Variants in GOLGA4 observed in about 807,000 individuals in gnomAD.
GOLGA4 encodes the protein golgin subfamily A member 4.
GOLGA4 carries 169 observed loss-of-function variants against 265.9 expected under a neutral mutation model. That is an observed-to-expected ratio of 0.64 (90% confidence interval 0.56 to 0.72). GOLGA4 has a LOEUF of 0.72. Among genes scored for constraint, GOLGA4 ranks in the 30% least tolerant of loss-of-function variants. The pLI is 0.00. For synonymous variants in GOLGA4, 923 were observed against 855.8 expected (o/e 1.08, Z -1.37); for missense variants, 2,482 against 2,483.4 (o/e 1.00, Z 0.01).
At chr3:37,364,609 G>GC (rs1696603003) in intron 23 of GOLGA4, among the ~76,000 whole-genome samples, 1 of 74,072 alleles carries the variant, frequency 1.4e-5, no homozygotes, top group African/African-American at 5.0e-5. Context: ...TTTTTTTTTT[G>GC]CCCCCCAGCA....
rs1246379380 is a variant in GOLGA4, at chr3:37,258,004, TAC to T, written c.162+6522_162+6523del. ...ATATATGTATGTATATATGTATATA[TAC>T]ATACATATATATATGTATGTATATA... is the stretch of plus-strand genomic sequence containing the variant. On this transcript the variant is annotated intron_variant, in intron 2 of 23. Transcript: ENST00000361924. Among the ~76,000 whole-genome samples, 5 of 76,108 alleles carry T rather than the reference TAC, an allele frequency of 6.6e-5. 1 individual carries two copies. Among genetic ancestry groups the T allele is most frequent in the African/African-American group, 3.4e-4 (5 of 14,722 alleles). 49.9% of individuals were successfully genotyped at this position (76,108 alleles called of 152,430 possible).
At chr3:37,274,099 C>CAAAAAAA (rs34797146) in intron 2 of GOLGA4, among the ~76,000 whole-genome samples, 1 of 101,990 alleles carries the variant, frequency 9.8e-6, no homozygotes, top group Non-Finnish European at 2.0e-5. Context: ...GGCTCTGTCT[C>CAAAAAAA]AAAAAAAAAA....
At chr3:37,341,870 A>T (rs1005823345) in intron 20 of GOLGA4, 4 of 152,242 alleles carry the variant, frequency 2.6e-5, no homozygotes, top group African/African-American at 7.2e-5. Flanking sequence ...TTTATTTAAT[A>T]GCTAACTCAT....
At position 37,326,622 on chromosome 3, in the gene GOLGA4, G is replaced by A; in HGVS notation, c.4736G>A (p.Arg1579Lys). The A allele has an allele frequency of 6.2e-7, 1 of 1,612,628 alleles. No homozygotes were observed. Among genetic ancestry groups the A allele is most frequent in the Non-Finnish European group, 8.5e-7 (1 of 1,179,456 alleles). ...FQELGEEKDN[R>K]VKEAEEKILT... ...GAGTTAGGAGAAGAAAAGGACAACA[G>A]GGTTAAAGAAGCTGAAGAAAAAATC... is the stretch of plus-strand genomic sequence containing the variant. The change falls in exon 14 of 24, where the codon AGG becomes AAG. Residue 1579 changes from arginine to lysine, a missense_variant. Physicochemically the swap from Arg to Lys is conservative, Grantham distance 26 (BLOSUM62 2). Coordinates refer to ENST00000361924, the MANE Select transcript of GOLGA4 (RefSeq NM_002078.5).
rs186655676 is a variant in GOLGA4 at position 37,273,836 on chromosome 3, G to A, written c.163-8122G>A. Among the ~76,000 whole-genome samples, 5 of 152,166 alleles carry A rather than the reference G, an allele frequency of 3.3e-5. No homozygotes were observed. In the East Asian group the frequency reaches 7.7e-4, roughly 23 times the overall value. The stretch of plus-strand genomic sequence containing the variant: ...TGCAAGGCCAGGCACTGTGGCTCCC[G>A]CCTGTCTGTAATCCCAGCACTTTGG... On this transcript the variant is annotated intron_variant, in intron 2 of 23. Transcript: ENST00000361924.
intron 10 of GOLGA4, among the ~76,000 whole-genome samples, chr3:37,306,626 G>T (rs540455790): frequency 6.6e-6 from 1 of 151,518 alleles, no homozygotes; most frequent in African/African-American, 2.4e-5. Flanking sequence ...TCACATCACT[G>T]TTGTTTTAGT....
At chr3:37,243,874 C>T (rs1005369137) in intron 1 of GOLGA4, 5 of 536,358 alleles carry the variant, frequency 9.3e-6, no homozygotes, top group African/African-American at 7.7e-5. Context: ...CGTGACATTC[C>T]ATCTCCGTTA....
At chr3:37,310,686 T>C (rs111823383) in intron 10 of GOLGA4, among the ~76,000 whole-genome samples, 86 of 152,246 alleles carry the variant, frequency 5.6e-4, no homozygotes, top group African/African-American at 1.9e-3. Flanking sequence ...ATACTTACAG[T>C]TCATTAAAGA....
At chr3:37,295,674 CCTCT>C (rs1185696451) in intron 6 of GOLGA4, among the ~76,000 whole-genome samples, 2 of 152,144 alleles carry the variant, frequency 1.3e-5, no homozygotes, top group African/African-American at 2.4e-5. Flanking sequence ...TTTAATCCGT[CCTCT>C]CTCTGTTTTA....
At chr3:37,329,241 A>G in intron 16 of GOLGA4, 148 bp downstream of exon 16, 1 of 550,126 alleles carries the variant, frequency 1.8e-6, no homozygotes, top group Non-Finnish European at 3.0e-6. Context: ...GTACTGTTAT[A>G]TGCAGATTTA....
chr3:37,326,449 G>A lies in GOLGA4; in HGVS notation c.4563G>A (p.Lys1521=). 1 of 1,611,418 alleles carries A rather than the reference G, an allele frequency of 6.2e-7. No individual in the cohort carries two copies. Among genetic ancestry groups the A allele is most frequent in the Non-Finnish European group, 8.5e-7 (1 of 1,178,560 alleles). The change falls in exon 14 of 24, where the codon AAG becomes AAA. Residue 1521 remains lysine (K), a synonymous_variant. Coordinates refer to ENST00000361924, the MANE Select transcript of GOLGA4 (RefSeq NM_002078.5). The part of the protein sequence containing the change: ...KKESNLETEL[K]SQTARIMELE... ...AGTCTAATTTAGAAACAGAGTTAAA[G>A]TCTCAAACAGCAAGAATTATGGAAT...
intron 21 of GOLGA4, among the ~76,000 whole-genome samples, chr3:37,350,785 T>G (rs2097071378): frequency 6.6e-6 from 1 of 152,164 alleles, no homozygotes; most frequent in Non-Finnish European, 1.5e-5. Context: ...GCCTATTAAG[T>G]GTTCAATAGG....
At chr3:37,340,288 AT>A (rs1279439735) in intron 20 of GOLGA4, 89 bp downstream of exon 20, 10 of 541,590 alleles carry the variant, frequency 1.8e-5, no homozygotes, top group Admixed American at 3.4e-5. Flanking sequence ...GCTAATTTAT[AT>A]TTTTTTCTCA....
intron 21 of GOLGA4, 94 bp from the exon 22 acceptor site, chr3:37,355,007 C>G: frequency 1.4e-6 from 1 of 738,952 alleles, no homozygotes; most frequent in Admixed American, 1.9e-5. Flanking sequence ...TCATTGAGAG[C>G]ACTAAAGAAT....
intron 22 of GOLGA4, among the ~76,000 whole-genome samples, chr3:37,358,572 C>T (rs773756467): frequency 1.3e-5 from 2 of 152,160 alleles, no homozygotes; most frequent in Non-Finnish European, 2.9e-5. Flanking sequence ...CTCTTTTCTT[C>T]ACAAGACTAA....
Position 37,328,545 on chromosome 3 carries a change from A to C in GOLGA4, c.6061+8A>C. ...CCATAAAAGAAACTATCAGTAAGTAAAATTAAGTTCCATAAGGAACAATTA... is the reference window on the plus strand; with the variant it reads ...CCATAAAAGAAACTATCAGTAAGTACAATTAAGTTCCATAAGGAACAATTA... On this transcript the variant is annotated splice_region_variant and intron_variant, in intron 15 of 23. Coordinates refer to ENST00000361924, the MANE Select transcript of GOLGA4 (RefSeq NM_002078.5). 1 of 1,607,242 alleles carries C rather than the reference A, an allele frequency of 6.2e-7. No individual in the cohort carries two copies.
chr3:37,250,389 C>T (rs1049872779), intron 1 of GOLGA4: 2 of 152,160 alleles, frequency 1.3e-5, no homozygotes, highest in Admixed American at 6.6e-5. Context: ...TTACTTTTAT[C>T]ATAAGCTAAA....
chr3:37,251,213 C>G lies in GOLGA4; in HGVS notation c.73-182C>G, dbSNP rs73059472. Among the ~76,000 whole-genome samples the G allele has an allele frequency of 2.1e-3, 327 of 152,294 alleles. 2 individuals carry two copies. Among genetic ancestry groups the G allele is most frequent in the Non-Finnish European group, 2.9e-3 (197 of 68,026 alleles). On this transcript the variant is annotated intron_variant, in intron 1 of 23. Transcript: ENST00000361924. Reference sequence around the variant, plus strand: ...TTGGTGGCAGAGTTAGGCCAGGGACCTAGTAGGTAGCCTGGGTTTTCTAGT... The same window carrying G: ...TTGGTGGCAGAGTTAGGCCAGGGACGTAGTAGGTAGCCTGGGTTTTCTAGT...
rs770679881 is a variant in GOLGA4, at chr3:37,327,661, C to T, written c.5775C>T (p.His1925=). The change falls in exon 14 of 24, where the codon CAC becomes CAT. Residue 1925 remains histidine, a synonymous_variant. Transcript: ENST00000361924. The part of the protein sequence containing the change: ...PKLLSNMEAQ[H]NDLEFKLAGA... ...TGCTTAGTAACATGGAAGCCCAGCA[C>T]AATGATCTGGAGTTTAAATTAGCCG... 6.2e-7 allele frequency: 1 copy of T among 1,613,914 alleles called. No individual in the cohort carries two copies. The highest frequency in any genetic ancestry group is 2.2e-5 in the East Asian group (1 of 44,880).
Sources: allele counts gnomAD v4.1 joint callset (sites outside exome capture counted in the v4.1 genomes callset), GRCh38; gene constraint gnomAD v4.1.1; transcripts MANE v1.5; gene names NCBI Gene and HGNC (gene_info 2026-07-23, HGNC 2026-07-21).